MVP: variants seen among roughly 807,000 people sequenced by gnomAD.
MVP encodes the protein major vault protein.
MVP carries 62 observed loss-of-function variants against 83.5 expected under a neutral mutation model. That is an observed-to-expected ratio of 0.74 (90% CI 0.61 to 0.92). The LOEUF (loss-of-function observed/expected upper bound fraction) is 0.92, where lower values mean the gene tolerates loss of function less well. Ranked by LOEUF, MVP falls within the 40% of genes least tolerant of loss-of-function variation. The pLI is 0.00. For synonymous variants in MVP, 505 were observed against 504.1 expected, an observed-to-expected ratio of 1.00 and a Z score of -0.02; for missense variants, 1,000 against 1,203.4, an observed-to-expected ratio of 0.83 and a Z score of 2.50.
chr16:29,829,454 CAA>C (rs34314929), intron 1 of MVP, among the ~76,000 whole-genome samples: 12 of 52,636 alleles, frequency 2.3e-4, no homozygotes, highest in South Asian at 2.3e-3. Context: ...GACTCCGTCT[CAA>C]AAAAAAAAAA....
Position 29,841,540 on chromosome 16 carries a change from G to C in MVP, c.1192-56G>C. On this transcript the variant is annotated intron_variant, in intron 8 of 14. Coordinates refer to ENST00000357402, the MANE Select transcript of MVP (RefSeq NM_005115.5). This position sits in a 1 kb window ranked among gnomAD's most constrained non-coding sequence, Gnocchi z 4.7. Reference sequence around the variant, plus strand: ...GGGCTCTGCTTTGGGACAGCTGGGCGGATCTTCCTCCCTTCCACCCTTACG... The same window carrying C: ...GGGCTCTGCTTTGGGACAGCTGGGCCGATCTTCCTCCCTTCCACCCTTACG... The C allele has an allele frequency of 1.3e-6, 2 of 1,520,534 alleles. No individual in the cohort carries two copies. The highest frequency in any genetic ancestry group is 2.6e-5 in the South Asian group (2 of 76,120). 94.2% of individuals were successfully genotyped at this position (1,520,534 alleles called of 1,614,324 possible).
intron 11 of MVP, among the ~76,000 whole-genome samples, 174 bp from the exon 12 acceptor site, chr16:29,845,689 G>C (rs1031644884): frequency 2.6e-5 from 4 of 152,254 alleles, no homozygotes; most frequent in African/African-American, 9.6e-5. Flanking sequence ...GTCCGGCCTA[G>C]AATGACACTG....
chr16:29,846,069 A>C, intron 12 of MVP, 89 bp from the exon 13 acceptor site: 1 of 1,608,360 alleles, frequency 6.2e-7, no homozygotes, highest in Non-Finnish European at 8.5e-7. Flanking sequence ...TGGGGTGTCG[A>C]TGAGACAGTG....
rs1410169277 is a variant in MVP at position 29,844,784 on chromosome 16, A to C, written c.1926A>C (p.Ser642=). 1 of 1,610,686 alleles carries C rather than the reference A, an allele frequency of 6.2e-7. No individual in the cohort carries two copies. Among genetic ancestry groups the C allele is most frequent in the Non-Finnish European group, 8.5e-7 (1 of 1,180,014 alleles). The change falls in exon 11 of 15, where the codon TCA becomes TCC. Residue 642 remains serine, a synonymous_variant. Coordinates refer to ENST00000357402, the MANE Select transcript of MVP (RefSeq NM_005115.5). ...TGGTCAGCAGTGTGGACGTGCAGTC[A>C]GTGGAGCCTGTGGATCAGAGGACCC... ...GLVVSSVDVQ[S]VEPVDQRTRD...
chr16:29,841,567 G>T lies in MVP; in HGVS notation c.1192-29G>T. 2 of 1,548,650 alleles carry T rather than the reference G, an allele frequency of 1.3e-6. No homozygotes were observed. Among genetic ancestry groups the T allele is most frequent in the Non-Finnish European group, 1.7e-6 (2 of 1,146,554 alleles). ...ATCTTCCTCCCTTCCACCCTTACGG[G>T]CAGCTTCCCTCCCTGTCCTCGTCCC... On this transcript the variant is annotated intron_variant, in intron 8 of 14. Coordinates refer to ENST00000357402, the MANE Select transcript of MVP (RefSeq NM_005115.5). The surrounding 1 kb of genome is among the most constrained non-coding windows in gnomAD (Gnocchi z 4.7).
At chr16:29,836,595 ATCCCTGGATTGGT>A in intron 6 of MVP, 114 bp from the exon 7 acceptor site, 1 of 782,680 alleles carries the variant, frequency 1.3e-6, no homozygotes, top group South Asian at 2.0e-5. Context: ...AAAAAAAACA[ATCCCTGGATTGGT>A]AGAAATTGTC....
At chr16:29,821,693 C>T (rs1319546926) in intron 1 of MVP, among the ~76,000 whole-genome samples, 2 of 152,176 alleles carry the variant, frequency 1.3e-5, no homozygotes, top group Admixed American at 6.5e-5. Context: ...CTTCCGGCTC[C>T]GTCCTTTGAT....
chr16:29,830,443 T>A (rs2067432459), intron 1 of MVP, 72 bp from the exon 2 acceptor site: 6 of 1,353,900 alleles, frequency 4.4e-6, no homozygotes, highest in South Asian at 2.6e-5. Flanking sequence ...ACCCAGAGTC[T>A]GTCACCAGAT....
rs1194251228 is a variant in MVP at position 29,841,522 on chromosome 16, G to C, written c.1192-74G>C. On this transcript the variant is annotated intron_variant, in intron 8 of 14. Transcript: ENST00000357402. This position sits in a 1 kb window ranked among gnomAD's most constrained non-coding sequence, Gnocchi z 4.7. Reference sequence around the variant, plus strand: ...GGCGCGCCTTCCCTGGATGGGCTCTGCTTTGGGACAGCTGGGCGGATCTTC... The same window carrying C: ...GGCGCGCCTTCCCTGGATGGGCTCTCCTTTGGGACAGCTGGGCGGATCTTC... The C allele has an allele frequency of 1.3e-6, 2 of 1,508,544 alleles. No individual in the cohort carries two copies. Among genetic ancestry groups the C allele is most frequent in the African/African-American group, 2.8e-5 (2 of 71,666 alleles). 93.4% of individuals were successfully genotyped at this position (1,508,544 alleles called of 1,614,324 possible).
chr16:29,841,214 A>G lies in MVP; in HGVS notation c.1192-382A>G, dbSNP rs1278461858. Among the ~76,000 whole-genome samples the G allele has an allele frequency of 6.6e-6, 1 of 152,140 alleles. No individual in the cohort carries two copies. Among genetic ancestry groups the G allele is most frequent in the Non-Finnish European group, 1.5e-5 (1 of 68,018 alleles). On this transcript the variant is annotated intron_variant, in intron 8 of 14. Transcript: ENST00000357402. This position sits in a 1 kb window ranked among gnomAD's most constrained non-coding sequence, Gnocchi z 4.7. ...GGAATCCGAGGGAGCATCCGTGTAC[A>G]CAGCCTACTTCACCATCCCCGAGGT...
chr16:29,835,480 C>CAAAAAAA (rs59649743), intron 5 of MVP: 10 of 72,940 alleles, frequency 1.4e-4, no homozygotes, highest in South Asian at 5.4e-4. Context: ...GACTCCGTCT[C>CAAAAAAA]AAAAAAAAAA....
chr16:29,840,209 A>G lies in MVP; in HGVS notation c.941A>G (p.Glu314Gly), dbSNP rs774325024. 1 of 1,612,312 alleles carries G rather than the reference A, an allele frequency of 6.2e-7. No individual in the cohort carries two copies. The highest frequency in any genetic ancestry group is 1.3e-5 in the African/African-American group (1 of 74,904). ...AAGTCTTTTTTCCTCCAGCCAGGAG[A>G]GCAGCTGGAACAAGGCATCCAGGAT... ...GEKSFFLQPG[E>G]QLEQGIQDVY... Residue 314 changes from glutamate to glycine, a missense_variant, in exon 8 of 15, where the codon GAG becomes GGG. Transcript: ENST00000357402.
intron 1 of MVP, chr16:29,830,213 C>T (rs142411420): frequency 1.7e-5 from 4 of 229,580 alleles, no homozygotes; most frequent in African/African-American, 4.5e-5. Flanking sequence ...TTTGCAGTGC[C>T]GGTGGCAGTG....
chr16:29,826,658 C>T (rs992666548), intron 1 of MVP, among the ~76,000 whole-genome samples: 25 of 149,010 alleles, frequency 1.7e-4, no homozygotes, highest in Middle Eastern at 3.5e-3. Context: ...CGTGGTGGCT[C>T]ACGCCTGTAA....
At chr16:29,834,255 C>A (rs2067467981) in intron 5 of MVP, 189 bp downstream of exon 5, 1 of 767,630 alleles carries the variant, frequency 1.3e-6, no homozygotes, top group Non-Finnish European at 2.0e-6. Flanking sequence ...TCCACTTGGG[C>A]TGGAAAATGT....
chr16:29,831,783 CT>C (rs1176239563), intron 3 of MVP: 1 of 453,514 alleles, frequency 2.2e-6, no homozygotes, highest in Non-Finnish European at 4.4e-6. Flanking sequence ...CAGGCTGTGC[CT>C]GTTCTAGGAG....
intron 11 of MVP, 120 bp from the exon 12 acceptor site, chr16:29,845,743 T>G: frequency 1.4e-6 from 1 of 734,124 alleles, no homozygotes; most frequent in Non-Finnish European, 2.2e-6. Context: ...GCGTATTGGG[T>G]GCCTTCTAGG....
At chr16:29,848,024 T>C (rs771284696), downstream of MVP, 23 of 1,593,026 alleles carry the variant, frequency 1.4e-5, no homozygotes, top group Non-Finnish European at 1.9e-5. Context: ...TCTGGGCATT[T>C]ACAATTTCAA....
At chr16:29,835,888 A>G in intron 6 of MVP, 90 bp downstream of exon 6, 2 of 1,034,758 alleles carry the variant, frequency 1.9e-6, no homozygotes, top group East Asian at 2.6e-5. Flanking sequence ...CATGAGAGTA[A>G]AAGAGAAGCA....
Sources: allele counts gnomAD v4.1 joint callset (sites outside exome capture counted in the v4.1 genomes callset), GRCh38; gene constraint gnomAD v4.1.1; non-coding constraint Gnocchi (gnomAD v3.1); transcripts MANE v1.5; gene names NCBI Gene and HGNC (gene_info 2026-07-23, HGNC 2026-07-21).